The following CSMD2 variants were observed in gnomAD, a reference collection of about 807,000 sequenced individuals.
CSMD2 encodes the protein CUB and sushi domain-containing protein 2.
Under a neutral mutation model 398.5 loss-of-function variants are expected in CSMD2, and 130 were observed. The observed-to-expected ratio is 0.33, with a 90% CI of 0.28 to 0.38. The LOEUF is 0.38. Among genes scored for constraint, CSMD2 ranks in the 10% least tolerant of loss-of-function variants. The pLI is 1.00. For missense variants in CSMD2, 3,829 were observed against 4,764.9 expected, an observed-to-expected ratio of 0.80 and a Z score of 5.78; for synonymous variants, 1,828 against 1,908.5, an observed-to-expected ratio of 0.96 and a Z score of 1.10.
chr1:33,679,740 T>C (rs981750643), intron 25 of CSMD2, among the ~76,000 whole-genome samples: 7 of 152,188 alleles, frequency 4.6e-5, no homozygotes, highest in African/African-American at 1.7e-4. Flanking sequence ...AGAGATGTGC[T>C]AAAGTCTCCT....
intron 13 of CSMD2, among the ~76,000 whole-genome samples, chr1:33,745,626 A>G (rs1017239539): frequency 6.6e-6 from 1 of 152,210 alleles, no homozygotes; most frequent in African/African-American, 2.4e-5. Context: ...TTCTGCATTA[A>G]GTATTTCTTT....
intron 5 of CSMD2, among the ~76,000 whole-genome samples, chr1:33,916,553 C>T (rs1050422533): frequency 1.3e-5 from 2 of 152,144 alleles, no homozygotes; most frequent in Admixed American, 6.5e-5. Flanking sequence ...AGCAGGTTGT[C>T]CTCACTCACC....
chr1:33,885,957 C>A (rs1242002283), intron 5 of CSMD2, among the ~76,000 whole-genome samples: 1 of 152,082 alleles, frequency 6.6e-6, no homozygotes, highest in African/African-American at 2.4e-5. Flanking sequence ...GAAAATAATA[C>A]CAGCCTCATA....
chr1:34,005,014 G>T (rs1162081819), intron 3 of CSMD2, among the ~76,000 whole-genome samples: 2 of 152,194 alleles, frequency 1.3e-5, no homozygotes. Context: ...GGATGGCTCA[G>T]CAGCTGTAGA....
chr1:33,586,677 A>G, intron 45 of CSMD2, 60 bp from the exon 46 acceptor site: 4 of 1,048,116 alleles, frequency 3.8e-6, no homozygotes, highest in Non-Finnish European at 6.0e-6. Flanking sequence ...AGTACCTTGA[A>G]CCCACTTCCA....
rs1462061099 is a variant in CSMD2, at chr1:33,527,230, G to A, written c.10200C>T (p.Asn3400=). ...GGGTGAGCGGTGGCTCCCGGGCAGT[G>A]TTGATGGGTCTCCCACTGGGCCGGA... The part of the protein sequence containing the change: ...LEVRPSGRPI[N]TAREPPLTQA... Residue 3400 remains asparagine, a synonymous_variant, in exon 65 of 71, where the codon AAC becomes AAT. Coordinates refer to ENST00000373381, the MANE Select transcript of CSMD2 (RefSeq NM_001281956.2). 1.9e-6 allele frequency: 3 copies of A among 1,614,126 alleles called. No homozygotes were observed. Among genetic ancestry groups the A allele is most frequent in the Middle Eastern group, 1.6e-4 (1 of 6,062 alleles).
chr1:33,672,303 C>T (rs987718898), intron 25 of CSMD2, among the ~76,000 whole-genome samples: 6 of 152,238 alleles, frequency 3.9e-5, no homozygotes, highest in South Asian at 2.1e-4. Flanking sequence ...GCTTAACAAA[C>T]GGCACACCAG....
chr1:33,858,022 G>A (rs1639224220), intron 5 of CSMD2, among the ~76,000 whole-genome samples: 1 of 152,146 alleles, frequency 6.6e-6, no homozygotes, highest in Admixed American at 6.5e-5. Context: ...CCCCCAACCA[G>A]GCTGATCCCA....
intron 62 of CSMD2, among the ~76,000 whole-genome samples, chr1:33,536,715 G>A (rs1443844244): frequency 7.2e-6 from 1 of 139,488 alleles, no homozygotes; most frequent in African/African-American, 2.6e-5. Context: ...GCACCGTGAG[G>A]ACAGAGGTCT....
intron 15 of CSMD2, among the ~76,000 whole-genome samples, chr1:33,729,693 G>A (rs1023156889): frequency 6.6e-6 from 1 of 151,450 alleles, no homozygotes. Flanking sequence ...TAAATGCAAT[G>A]TCTCTTTCAC....
intron 3 of CSMD2, among the ~76,000 whole-genome samples, chr1:33,967,255 G>A (rs1304851159): frequency 7.1e-6 from 1 of 140,986 alleles, no homozygotes; most frequent in Non-Finnish European, 1.5e-5. Context: ...ACACTTCACA[G>A]ACTTTTTTTT....
rs531559230 is a variant in CSMD2 at position 33,533,729 on chromosome 1, A to G, written c.9991+67T>C. On this transcript the variant is annotated intron_variant, in intron 63 of 70. Coordinates refer to ENST00000373381, the MANE Select transcript of CSMD2 (RefSeq NM_001281956.2). The surrounding 1 kb of genome is among the most constrained non-coding windows in gnomAD (Gnocchi z 4.2). ...ACTCCCTGTCATTCAGAGCATTCAA[A>G]CATGACCCAGATGCCCAGCTGGGGC... 2.4e-4 allele frequency: 246 copies of G among 1,018,770 alleles called. No homozygotes were observed. In the African/African-American group the frequency reaches 3.5e-3, roughly 14 times the overall value. 63.1% of individuals were successfully genotyped at this position (1,018,770 alleles called of 1,614,324 possible). A position where few individuals can be genotyped will look rare whatever the true frequency, so the allele number is the denominator to read the frequency against.
At chr1:33,728,495 T>C (rs1406837536) in intron 15 of CSMD2, among the ~76,000 whole-genome samples, 2 of 152,166 alleles carry the variant, frequency 1.3e-5, no homozygotes, top group Non-Finnish European at 2.9e-5. Context: ...GCTACACATG[T>C]GTTATCTCAT....
intron 12 of CSMD2, among the ~76,000 whole-genome samples, chr1:33,783,761 C>G (rs879733327): frequency 6.6e-6 from 1 of 152,038 alleles, no homozygotes; most frequent in Non-Finnish European, 1.5e-5. Context: ...GTGCTCTGTG[C>G]CCCCCAAAAA....
Position 33,646,691 on chromosome 1 carries a change from G to A in CSMD2, c.4731C>T (p.Ser1577=), listed in dbSNP as rs114829894. Residue 1577 remains serine, a synonymous_variant, in exon 29 of 71, where the codon AGC becomes AGT. Coordinates refer to ENST00000373381, the MANE Select transcript of CSMD2 (RefSeq NM_001281956.2). ...SSNSLFLAFR[S]DASVSNAGFV... ...AGCCAGCATTGCTCACAGATGCATCGCTGCGGAAGGCGAGGAAGAGGCTGT... is the reference window on the plus strand; with the variant it reads ...AGCCAGCATTGCTCACAGATGCATCACTGCGGAAGGCGAGGAAGAGGCTGT... The A allele has an allele frequency of 1.0e-3, 1,670 of 1,614,120 alleles. 18 individuals are homozygous for A. In the African/African-American group the frequency reaches 0.018, roughly 18 times the overall value.
intron 5 of CSMD2, chr1:33,864,329 G>A (rs769820609): frequency 1.3e-5 from 21 of 1,613,726 alleles, no homozygotes; most frequent in Middle Eastern, 1.6e-4. Flanking sequence ...GAAAGTGTTC[G>A]GAAAAATGGA....
chr1:33,852,681 C>T (rs1638799509), intron 5 of CSMD2, among the ~76,000 whole-genome samples: 1 of 152,258 alleles, frequency 6.6e-6, no homozygotes, highest in Non-Finnish European at 1.5e-5. Flanking sequence ...CTTCAACTAG[C>T]AGGCAAGCTC....
At chr1:34,010,915 G>A (rs10799018) in intron 3 of CSMD2, among the ~76,000 whole-genome samples, 23,781 of 152,186 alleles carry the variant, frequency 0.16, 2,498 homozygotes, top group East Asian at 0.47. Flanking sequence ...ATGAGCCACC[G>A]CGCCTGGCCA....
intron 5 of CSMD2, among the ~76,000 whole-genome samples, chr1:33,905,377 A>G (rs1374338998): frequency 6.6e-6 from 1 of 152,254 alleles, no homozygotes; most frequent in East Asian, 1.9e-4. Context: ...ACATGGTTTC[A>G]TAGGAGCCAA....
Sources: allele counts gnomAD v4.1 joint callset (sites outside exome capture counted in the v4.1 genomes callset), GRCh38; gene constraint gnomAD v4.1.1; non-coding constraint Gnocchi (gnomAD v3.1); transcripts MANE v1.5; gene names NCBI Gene and HGNC (gene_info 2026-07-23, HGNC 2026-07-21).